DHX16: variants seen among roughly 807,000 people sequenced by gnomAD.
The protein encoded by DHX16 is DEAH-box helicase 16.
Under a neutral mutation model 131.2 loss-of-function variants are expected in DHX16, and 81 were observed. The ratio of observed to expected loss-of-function variants is 0.62; its 90% CI spans 0.52 to 0.74. The LOEUF (loss-of-function observed/expected upper bound fraction) is 0.74. DHX16 is among the 30% of genes least tolerant of loss of function. DHX16 has a pLI of 0.00. For synonymous variants in DHX16, 440 were observed against 520.2 expected (o/e 0.85, Z 2.10); for missense variants, 980 against 1,363.1 (o/e 0.72, Z 4.43).
At position 30,670,016 on chromosome 6, in the gene DHX16, G is replaced by A. The variant is rs1769387196; in HGVS notation, c.666+394C>T. Among the ~76,000 whole-genome samples, 1 of 152,104 alleles carries A rather than the reference G, an allele frequency of 6.6e-6. No individual in the cohort carries two copies. Among genetic ancestry groups the A allele is most frequent in the African/African-American group, 2.4e-5 (1 of 41,404 alleles). On this transcript the variant is annotated intron_variant, in intron 4 of 19. Transcript: ENST00000376442. This position sits in a 1 kb window ranked among gnomAD's most constrained non-coding sequence, Gnocchi z 4.4. ...GGAGATGGTGTGCCTAAGCTGAATG[G>A]TCAGCACATCCCTGTACAGTGGGAC...
chr6:30,655,478 A>G lies in DHX16; in HGVS notation c.2618T>C (p.Leu873Pro). The G allele has an allele frequency of 1.2e-6, 2 of 1,613,392 alleles. No homozygotes were observed. Residue 873 changes from leucine (L) to proline (P), a missense_variant, in exon 17 of 20, where the codon CTC (leucine) becomes CCC (proline). By Grantham distance (98) the Leu-to-Pro change is moderately conservative. Transcript: ENST00000376442. ...HADNARVNFF[L>P]PGGDHLVLLN... ...CAGAACCAGGTGGTCACCGCCAGGG[A>G]GAAAGAAGTTGACACGGGCATTGTC...
rs562031026 is a variant in DHX16, at chr6:30,670,956, C to T, written c.447-4G>A. 5 of 1,613,092 alleles carry T rather than the reference C, an allele frequency of 3.1e-6. No homozygotes were observed. Among genetic ancestry groups the T allele is most frequent in the African/African-American group, 1.3e-5 (1 of 75,052 alleles). ...CTCTGTCTGCTGTTTACTCCCCCTGCAGCCCATCCAGGGGATTAAATAAGG... is the reference window on the plus strand; with the variant it reads ...CTCTGTCTGCTGTTTACTCCCCCTGTAGCCCATCCAGGGGATTAAATAAGG... On this transcript the variant is annotated splice_polypyrimidine_tract_variant and splice_region_variant and intron_variant, in intron 2 of 19. Transcript: ENST00000376442. This position sits in a 1 kb window ranked among gnomAD's most constrained non-coding sequence, Gnocchi z 4.4.
At chr6:30,659,085 C>G (rs1000462425) in intron 12 of DHX16, among the ~76,000 whole-genome samples, 1 of 152,152 alleles carries the variant, frequency 6.6e-6, no homozygotes, top group Non-Finnish European at 1.5e-5. Flanking sequence ...CAGGGTTTCA[C>G]CACGTTAGGC....
At position 30,656,072 on chromosome 6, in the gene DHX16, C is replaced by G. The variant is rs1251255960; in HGVS notation, c.2498+126G>C. 1.3e-5 allele frequency: 12 copies of G among 946,704 alleles called. No homozygotes were observed. Among genetic ancestry groups the G allele is most frequent in the Non-Finnish European group, 1.8e-5 (11 of 607,676 alleles). The allele number at this position is 946,704 out of a possible 1,614,324, so 58.6% of individuals were successfully genotyped here. A position where few individuals can be genotyped will look rare whatever the true frequency, so the allele number is the denominator to read the frequency against. On this transcript the variant is annotated intron_variant, in intron 16 of 19. Transcript: ENST00000376442. The surrounding 1 kb of genome is among the most constrained non-coding windows in gnomAD (Gnocchi z 5.1). ...CTCAAAAGGGGGCAATCAGAGTTAT[C>G]TAATACTTTATTATGTGTTAAGGGA...
chr6:30,669,416 G>C (rs146494978), intron 4 of DHX16, among the ~76,000 whole-genome samples: 3,074 of 151,848 alleles, frequency 0.02, 79 homozygotes, highest in East Asian at 0.068. Context: ...AACAGAGTGA[G>C]ACTCCATCTC....
chr6:30,658,679 C>G (rs1218394704), intron 12 of DHX16, among the ~76,000 whole-genome samples: 2 of 151,914 alleles, frequency 1.3e-5, no homozygotes, highest in East Asian at 3.9e-4. Flanking sequence ...CCACTGCACT[C>G]CAGCCTGGGC....
Position 30,657,098 on chromosome 6 carries a change from T to C in DHX16, c.2008-6A>G. On this transcript the variant is annotated splice_region_variant and splice_polypyrimidine_tract_variant and intron_variant, in intron 12 of 19. Transcript: ENST00000376442. ...ATGTTCGTTGCCACAACCACCTGAGTGATAGGATATGGGGTCACCCAGTGA... is the reference window on the plus strand; with the variant it reads ...ATGTTCGTTGCCACAACCACCTGAGCGATAGGATATGGGGTCACCCAGTGA... 1 of 1,611,298 alleles carries C rather than the reference T, an allele frequency of 6.2e-7. No homozygotes were observed. The highest frequency in any genetic ancestry group is 8.5e-7 in the Non-Finnish European group (1 of 1,179,072).
intron 4 of DHX16, among the ~76,000 whole-genome samples, chr6:30,669,472 A>G (rs1460719273): frequency 6.6e-6 from 1 of 151,966 alleles, no homozygotes; most frequent in Admixed American, 6.6e-5. Flanking sequence ...ACAAATAAAA[A>G]GAAGGCTGGG....
In DHX16 at chr6:30,665,354, G is replaced by A. The variant is rs529521095; in HGVS notation, c.922-80C>T. On this transcript the variant is annotated intron_variant, in intron 5 of 19. Coordinates refer to ENST00000376442, the MANE Select transcript of DHX16 (RefSeq NM_003587.5). This position sits in a 1 kb window ranked among gnomAD's most constrained non-coding sequence, Gnocchi z 4.8. ...CTCCCCTCTTCCCATTACTACCCCCGCCCACTGCCCATTGGGAACGGCAAG... is the reference window on the plus strand; with the variant it reads ...CTCCCCTCTTCCCATTACTACCCCCACCCACTGCCCATTGGGAACGGCAAG... 129 of 1,585,110 alleles carry A rather than the reference G, an allele frequency of 8.1e-5. 1 individual carries two copies. In the South Asian group the frequency reaches 1.2e-3, roughly 14 times the overall value.
chr6:30,664,567 C>G (rs1473125697), intron 7 of DHX16, among the ~76,000 whole-genome samples: 5 of 151,884 alleles, frequency 3.3e-5, no homozygotes, highest in African/African-American at 1.2e-4. Context: ...GGGAGGTCCA[C>G]ATTTATACAC....
In DHX16 at chr6:30,656,720, C is replaced by T; in HGVS notation, c.2188G>A (p.Ala730Thr). 6.2e-7 allele frequency: 1 copy of T among 1,612,962 alleles called. No individual in the cohort carries two copies. The highest frequency in any genetic ancestry group is 1.3e-5 in the African/African-American group (1 of 75,050). The part of the protein sequence containing the change: ...NQRAGRAGRV[A>T]AGKCFRLYTA... ...TACAGGCGGAAGCACTTCCCTGCAG[C>T]CACCCGACCTGCCCTGCCAGCTCGC... is the stretch of plus-strand genomic sequence containing the variant. The change falls in exon 14 of 20, where the codon GCT becomes ACT. Residue 730 changes from alanine to threonine, a missense_variant. Coordinates refer to ENST00000376442, the MANE Select transcript of DHX16 (RefSeq NM_003587.5). The surrounding 1 kb of genome is among the most constrained non-coding windows in gnomAD (Gnocchi z 5.1).
Position 30,670,412 on chromosome 6 carries a change from T to C in DHX16, c.664A>G (p.Met222Val), listed in dbSNP as rs1046620309. 1.9e-6 allele frequency: 3 copies of C among 1,609,716 alleles called. No homozygotes were observed. Among genetic ancestry groups the C allele is most frequent in the African/African-American group, 2.7e-5 (2 of 74,980 alleles). The change falls in exon 4 of 20, where the codon ATG becomes GTG. Residue 222 changes from methionine to valine, a missense_variant and splice_region_variant. Met to Val is a conservative substitution (Grantham distance 21, BLOSUM62 1). Coordinates refer to ENST00000376442, the MANE Select transcript of DHX16 (RefSeq NM_003587.5). The surrounding 1 kb of genome is among the most constrained non-coding windows in gnomAD (Gnocchi z 4.4). ...LKMAEEDRKA[M>V]VPELRKKSRR... The stretch of plus-strand genomic sequence containing the variant: ...GCTCCCTAGGCCCTGGGACTCACCA[T>C]GGCCTTCCGGTCTTCCTCGGCCATC...
At chr6:30,663,172 T>C (rs1021123232) in intron 7 of DHX16, 151 bp from the exon 8 acceptor site, 37 of 659,122 alleles carry the variant, frequency 5.6e-5, no homozygotes, top group Non-Finnish European at 1.0e-5. Context: ...GGCAAATAGA[T>C]AGGATGACAG....
Position 30,665,041 on chromosome 6 carries a change from CCTCAGAAAGT to C in DHX16, c.1125+20_1125+29del. Reference sequence around the variant, plus strand: ...AGCTAAATAGCTCGCTACGGGTCTTCCTCAGAAAGTCTCCCAGCTCCCCTCTTACCTCATC... The same window carrying C: ...AGCTAAATAGCTCGCTACGGGTCTTCCTCCCAGCTCCCCTCTTACCTCATC... On this transcript the variant is annotated intron_variant, in intron 6 of 19. Coordinates refer to ENST00000376442, the MANE Select transcript of DHX16 (RefSeq NM_003587.5). The surrounding 1 kb of genome is among the most constrained non-coding windows in gnomAD (Gnocchi z 4.8). 4 of 1,613,816 alleles carry C rather than the reference CCTCAGAAAGT, an allele frequency of 2.5e-6. No homozygotes were observed. The highest frequency in any genetic ancestry group is 3.4e-6 in the Non-Finnish European group (4 of 1,179,858).
rs753333285 is a variant in DHX16, at chr6:30,672,692, A to G, written c.150T>C (p.Thr50=). ...CCGGCCCACTGAGATCCAAGGTATC[A>G]GTGTCTCGTAGGCGCTGCACGAACT... ...AEEFVQRLRD[T]DTLDLSGPAR... Residue 50 remains threonine (T), a synonymous_variant, in exon 1 of 20, where the codon ACT becomes ACC. Coordinates refer to ENST00000376442, the MANE Select transcript of DHX16 (RefSeq NM_003587.5). 8.1e-6 allele frequency: 13 copies of G among 1,612,864 alleles called. No individual in the cohort carries two copies. The highest frequency in any genetic ancestry group is 1.1e-5 in the South Asian group (1 of 91,074).
At position 30,665,878 on chromosome 6, in the gene DHX16, C is replaced by A; in HGVS notation, c.667-145G>T. 9.6e-7 allele frequency: 1 copy of A among 1,037,086 alleles called. No homozygotes were observed. Among genetic ancestry groups the A allele is most frequent in the Non-Finnish European group, 1.4e-6 (1 of 732,186 alleles). The allele number at this position is 1,037,086 out of a possible 1,614,324, so 64.2% of individuals were successfully genotyped here. On this transcript the variant is annotated intron_variant, in intron 4 of 19. Transcript: ENST00000376442. This position sits in a 1 kb window ranked among gnomAD's most constrained non-coding sequence, Gnocchi z 4.8. ...TCTACCTTCCCTCTGCAATGCACAA[C>A]CAAAACAATGACATACTCAAATCTG...
At chr6:30,657,888 G>C (rs1768128541) in intron 12 of DHX16, among the ~76,000 whole-genome samples, 1 of 152,066 alleles carries the variant, frequency 6.6e-6, no homozygotes, top group Non-Finnish European at 1.5e-5. Flanking sequence ...ATGCTGCCTT[G>C]TATCTCTTCA....
chr6:30,665,033 C>T lies in DHX16; in HGVS notation c.1125+38G>A, dbSNP rs1399615562. On this transcript the variant is annotated intron_variant, in intron 6 of 19. Transcript: ENST00000376442. The surrounding 1 kb of genome is among the most constrained non-coding windows in gnomAD (Gnocchi z 4.8). ...GAGGTGTGAGCTAAATAGCTCGCTA[C>T]GGGTCTTCCTCAGAAAGTCTCCCAG... 9.9e-6 allele frequency: 16 copies of T among 1,613,610 alleles called. No individual in the cohort carries two copies. The highest frequency in any genetic ancestry group is 1.7e-5 in the Admixed American group (1 of 59,950).
In DHX16 at chr6:30,660,196, T is replaced by C; in HGVS notation, c.1591A>G (p.Ile531Val). Residue 531 changes from isoleucine to valine, a missense_variant, in exon 10 of 20, where the codon ATT (isoleucine) becomes GTT (valine). By Grantham distance (29) the Ile-to-Val change is conservative (BLOSUM62 3). This residue lies in a region of DHX16 where 309 missense variants were observed against 537.1 expected (regional missense o/e 0.58). Transcript: ENST00000376442. ...EAHERTLHTD[I>V]LFGLIKDVAR... ...ACATCCTTGATCAATCCAAAGAGAATGTCTGTGTGTAGGGTCCTTTCGTGT... is the reference window on the plus strand; with the variant it reads ...ACATCCTTGATCAATCCAAAGAGAACGTCTGTGTGTAGGGTCCTTTCGTGT... 1 of 1,562,512 alleles carries C rather than the reference T, an allele frequency of 6.4e-7. No individual in the cohort carries two copies. The highest frequency in any genetic ancestry group is 8.7e-7 in the Non-Finnish European group (1 of 1,153,168).
Sources: allele counts gnomAD v4.1 joint callset (sites outside exome capture counted in the v4.1 genomes callset), GRCh38; gene constraint gnomAD v4.1.1; regional missense constraint gnomAD v4.1.1; non-coding constraint Gnocchi (gnomAD v3.1); transcripts MANE v1.5; gene names NCBI Gene and HGNC (gene_info 2026-07-23, HGNC 2026-07-21).